DSCAML1: variants seen among roughly 807,000 people sequenced by gnomAD.
DSCAML1 encodes the protein cell adhesion molecule DSCAML1.
DSCAML1 carries 38 observed loss-of-function variants against 200.5 expected under a neutral mutation model. The observed-to-expected ratio is 0.19, with a 90% CI of 0.15 to 0.25. The LOEUF is 0.25. Ranked by LOEUF, DSCAML1 falls within the 10% of genes least tolerant of loss-of-function variation. DSCAML1 has a pLI of 1.00. For synonymous variants in DSCAML1, 1,215 were observed against 1,165.0 expected, an observed-to-expected ratio of 1.04 and a Z score of -0.87; for missense variants, 2,223 against 2,858.8, an observed-to-expected ratio of 0.78 and a Z score of 5.07.
intron 3 of DSCAML1, chr11:117,668,641 C>G (rs902792338): frequency 6.6e-6 from 1 of 152,214 alleles, no homozygotes; most frequent in African/African-American, 2.4e-5. Context: ...GCTTGCCCTC[C>G]CTGACTCTCC....
At chr11:117,685,862 G>C (rs1042876466) in intron 3 of DSCAML1, among the ~76,000 whole-genome samples, 1 of 152,182 alleles carries the variant, frequency 6.6e-6, no homozygotes, top group East Asian at 1.9e-4. Flanking sequence ...TATGATGACT[G>C]TCTAGGGGGC....
chr11:117,735,754 G>A (rs1051080638), intron 3 of DSCAML1, among the ~76,000 whole-genome samples: 2 of 152,160 alleles, frequency 1.3e-5, no homozygotes, highest in African/African-American at 4.8e-5. Context: ...GCGTCCAGCG[G>A]GTCCTGTCAC....
chr11:117,674,558 T>C (rs2053173722), intron 3 of DSCAML1, among the ~76,000 whole-genome samples: 1 of 152,154 alleles, frequency 6.6e-6, no homozygotes, highest in African/African-American at 2.4e-5. Flanking sequence ...TGGATATTGA[T>C]GGGATATTTG....
Position 117,435,634 on chromosome 11 carries a change from G to C in DSCAML1, c.4876+10C>G. On this transcript the variant is annotated intron_variant, in intron 27 of 32. Coordinates refer to ENST00000651296, the MANE Select transcript of DSCAML1 (RefSeq NM_020693.4). ...CCCCCTCCTGGAAGGCCCATAGGAA[G>C]CTCCCCCACCTCGGAGTCGCTTCAG... is the stretch of plus-strand genomic sequence containing the variant. 6.3e-7 allele frequency: 1 copy of C among 1,589,416 alleles called. No individual in the cohort carries two copies. The highest frequency in any genetic ancestry group is 8.6e-7 in the Non-Finnish European group (1 of 1,160,864).
upstream of DSCAML1, chr11:117,801,529 AC>A (rs1413197550): frequency 6.6e-6 from 1 of 152,212 alleles, no homozygotes; most frequent in African/African-American, 2.4e-5. Flanking sequence ...CATCTAAAAT[AC>A]CATCTTCTTG....
intron 1 of DSCAML1, among the ~76,000 whole-genome samples, chr11:117,785,198 T>C (rs2055328616): frequency 6.6e-6 from 1 of 151,790 alleles, no homozygotes; most frequent in Non-Finnish European, 1.5e-5. Flanking sequence ...CAGGAGCTTG[T>C]AAAGGACAGG....
intron 31 of DSCAML1, among the ~76,000 whole-genome samples, 197 bp downstream of exon 31, chr11:117,431,337 T>A (rs1422115693): frequency 6.6e-6 from 1 of 152,240 alleles, no homozygotes; most frequent in Non-Finnish European, 1.5e-5. Flanking sequence ...ATTAACTCCC[T>A]GACTAAGTAG....
At chr11:117,712,701 T>A (rs1404890542) in intron 3 of DSCAML1, among the ~76,000 whole-genome samples, 3 of 152,130 alleles carry the variant, frequency 2.0e-5, no homozygotes, top group Non-Finnish European at 4.4e-5. Context: ...AATGAGCGGC[T>A]GCAACCCTGC....
chr11:117,799,441 T>C (rs931699736), upstream of DSCAML1, among the ~76,000 whole-genome samples: 7 of 151,998 alleles, frequency 4.6e-5, no homozygotes, highest in South Asian at 2.1e-4. Flanking sequence ...AACCTGAGTG[T>C]AGGAGGCTTT....
Position 117,480,341 on chromosome 11 carries a change from G to T in DSCAML1, c.2785+102C>A. Reference sequence around the variant, plus strand: ...CTTGTGTGTCTAGCTTGGATGGGCAGCCCTAAGGCTCAGGGGCTCTCCTCC... The same window carrying T: ...CTTGTGTGTCTAGCTTGGATGGGCATCCCTAAGGCTCAGGGGCTCTCCTCC... On this transcript the variant is annotated intron_variant, in intron 14 of 32. Transcript: ENST00000651296. This position sits in a 1 kb window ranked among gnomAD's most constrained non-coding sequence, Gnocchi z 4.1. 1 of 1,520,986 alleles carries T rather than the reference G, an allele frequency of 6.6e-7. No homozygotes were observed. The highest frequency in any genetic ancestry group is 8.9e-7 in the Non-Finnish European group (1 of 1,124,670). The allele number at this position is 1,520,986 out of a possible 1,614,324, so 94.2% of individuals were successfully genotyped here.
intron 4 of DSCAML1, among the ~76,000 whole-genome samples, chr11:117,531,654 C>T (rs940370457): frequency 9.2e-5 from 14 of 151,990 alleles, no homozygotes; most frequent in Admixed American, 3.9e-4. Flanking sequence ...GAGGCTGAGG[C>T]GGGCAGCTCA....
chr11:117,437,245 A>G lies in DSCAML1; in HGVS notation c.4597T>C (p.Ser1533Pro). 1 of 1,614,080 alleles carries G rather than the reference A, an allele frequency of 6.2e-7. No individual in the cohort carries two copies. The highest frequency in any genetic ancestry group is 8.5e-7 in the Non-Finnish European group (1 of 1,180,020). ...WAWQGLRANS[S>P]GEVFLTELRE... ...AGTTCCGTCAGAAACACCTCCCCGG[A>G]GCTGTTGGCCCGGAGGCCCTGCCAG... Residue 1533 changes from serine to proline, a missense_variant, in exon 26 of 33, where the codon TCC (serine) becomes CCC (proline). Coordinates refer to ENST00000651296, the MANE Select transcript of DSCAML1 (RefSeq NM_020693.4). The surrounding 1 kb of genome is among the most constrained non-coding windows in gnomAD (Gnocchi z 5.3).
chr11:117,749,975 G>A (rs922270389), intron 3 of DSCAML1, among the ~76,000 whole-genome samples: 1 of 152,204 alleles, frequency 6.6e-6, no homozygotes, highest in African/African-American at 2.4e-5. Flanking sequence ...GCCTTGGTTC[G>A]AGCACTGTTC....
chr11:117,769,924 T>C (rs1172569118), intron 3 of DSCAML1, among the ~76,000 whole-genome samples: 1 of 152,134 alleles, frequency 6.6e-6, no homozygotes, highest in Non-Finnish European at 1.5e-5. Flanking sequence ...ATGAGTTAAA[T>C]GGCCCAGTGA....
intron 3 of DSCAML1, among the ~76,000 whole-genome samples, chr11:117,547,430 G>C (rs768442898): frequency 6.6e-6 from 1 of 152,134 alleles, no homozygotes; most frequent in African/African-American, 2.4e-5. Context: ...CCCTTGGCTC[G>C]CTTCTAAGGC....
chr11:117,681,244 T>C (rs1273012037), intron 3 of DSCAML1, among the ~76,000 whole-genome samples: 2 of 152,180 alleles, frequency 1.3e-5, no homozygotes, highest in Non-Finnish European at 2.9e-5. Flanking sequence ...GCCACTCACC[T>C]AGTGTGGTCC....
intron 3 of DSCAML1, among the ~76,000 whole-genome samples, chr11:117,748,620 C>T (rs556427943): frequency 2.6e-5 from 4 of 152,294 alleles, no homozygotes; most frequent in East Asian, 3.9e-4. Flanking sequence ...AGTCCTCTTT[C>T]GCCTGCAATC....
chr11:117,486,605 A>G (rs1384584776), intron 11 of DSCAML1, among the ~76,000 whole-genome samples: 1 of 152,204 alleles, frequency 6.6e-6, no homozygotes, highest in Non-Finnish European at 1.5e-5. Flanking sequence ...TTGCCCCTAA[A>G]AGTTAATCTG....
rs1490985807 is a variant in DSCAML1 at position 117,465,133 on chromosome 11, C to T, written c.3074G>A (p.Gly1025Asp). 1 of 1,614,118 alleles carries T rather than the reference C, an allele frequency of 6.2e-7. No homozygotes were observed. Among genetic ancestry groups the T allele is most frequent in the Non-Finnish European group, 8.5e-7 (1 of 1,180,016 alleles). Residue 1025 changes from glycine to aspartate, a missense_variant, in exon 17 of 33, where the codon GGC becomes GAC. By Grantham distance (94) the Gly-to-Asp change is moderately conservative. Coordinates refer to ENST00000651296, the MANE Select transcript of DSCAML1 (RefSeq NM_020693.4). ...GCTGCCGGGGCTGTTCTCTCTGTAG[C>T]CAATCTGGTAGCCCCGGATGACACC... The part of the protein sequence containing the change: ...QNGVIRGYQI[G>D]YRENSPGSNG...
Sources: allele counts gnomAD v4.1 joint callset (sites outside exome capture counted in the v4.1 genomes callset), GRCh38; gene constraint gnomAD v4.1.1; non-coding constraint Gnocchi (gnomAD v3.1); transcripts MANE v1.5; gene names NCBI Gene and HGNC (gene_info 2026-07-23, HGNC 2026-07-21).